HMCN2: variants seen among roughly 807,000 people sequenced by gnomAD.
The protein encoded by HMCN2 is hemicentin-2.
Under a neutral mutation model 377.5 loss-of-function variants are expected in HMCN2, and 325 were observed. The observed-to-expected ratio is 0.86, with a 90% CI of 0.79 to 0.94. The LOEUF (loss-of-function observed/expected upper bound fraction) is 0.94, where lower values mean the gene tolerates loss of function less well. Ranked by LOEUF, HMCN2 falls within the 40% of genes least tolerant of loss-of-function variation. The pLI, the probability that HMCN2 is intolerant of heterozygous loss-of-function variation, is 0.00. For synonymous variants in HMCN2, 2,007 were observed against 2,046.8 expected (o/e 0.98, Z 0.53); for missense variants, 4,543 against 4,725.3 (o/e 0.96, Z 1.13).
chr9:130,278,156 GCT>G (rs1465393150), intron 1 of HMCN2, among the ~76,000 whole-genome samples: 2 of 151,934 alleles, frequency 1.3e-5, no homozygotes, highest in African/African-American at 2.4e-5. Flanking sequence ...ACGCAGTCTC[GCT>G]CTGTCACCCA....
intron 80 of HMCN2, 136 bp from the exon 81 acceptor site, chr9:130,404,733 C>G (rs1187055869): frequency 1.4e-5 from 7 of 487,002 alleles, no homozygotes; most frequent in African/African-American, 1.0e-4. Context: ...CGGGCAATGG[C>G]CTATGACTAG....
intron 85 of HMCN2, among the ~76,000 whole-genome samples, chr9:130,418,031 T>G (rs915905934): frequency 4.6e-5 from 7 of 152,184 alleles, no homozygotes; most frequent in African/African-American, 1.7e-4. Flanking sequence ...AGGGAGTGAC[T>G]TGGTGAGAGC....
At chr9:130,326,303 C>G (rs898383458) in intron 21 of HMCN2, among the ~76,000 whole-genome samples, 1 of 152,150 alleles carries the variant, frequency 6.6e-6, no homozygotes, top group Non-Finnish European at 1.5e-5. Flanking sequence ...CCTGTTCCCC[C>G]AGGCTGGTCA....
rs969610863 is a variant in HMCN2 at position 130,360,628 on chromosome 9, G to T, written c.5950+24G>T. 63 of 1,256,852 alleles carry T rather than the reference G, an allele frequency of 5.0e-5. No homozygotes were observed. The highest frequency in any genetic ancestry group is 2.3e-4 in the East Asian group (4 of 17,142). The allele number at this position is 1,256,852 out of a possible 1,614,324, so 77.9% of individuals were successfully genotyped here. On this transcript the variant is annotated intron_variant, in intron 38 of 97. Coordinates refer to ENST00000683500, the MANE Select transcript of HMCN2 (RefSeq NM_001291815.2). This position sits in a 1 kb window ranked among gnomAD's most constrained non-coding sequence, Gnocchi z 4.7. The stretch of plus-strand genomic sequence containing the variant: ...TGGTGAGCTTCCCTGGGCCTACAAG[G>T]TCCCTTGTCCAAAAAGTTGTCTTTT...
intron 23 of HMCN2, among the ~76,000 whole-genome samples, chr9:130,340,401 C>A (rs1023054477): frequency 6.6e-6 from 1 of 152,238 alleles, no homozygotes; most frequent in Non-Finnish European, 1.5e-5. Context: ...GGAGCTGAAC[C>A]AGGATTGGAG....
chr9:130,394,452 GCTC>G lies in HMCN2; in HGVS notation c.10573_10575del (p.Leu3525del), dbSNP rs756728594. The stretch of plus-strand genomic sequence containing the variant: ...CGCTGACCCCCGGCGCCCCCATGGA[GCTC>G]CTCTGTGATGCCCAGGGCACCCCCC... On this transcript the variant is annotated inframe_deletion, in exon 69 of 98. Transcript: ENST00000683500. This position sits in a 1 kb window ranked among gnomAD's most constrained non-coding sequence, Gnocchi z 5.1. 2.3e-6 allele frequency: 3 copies of G among 1,289,666 alleles called. No homozygotes were observed. In the African/African-American group the frequency reaches 4.6e-5, roughly 20 times the overall value. The allele number at this position is 1,289,666 out of a possible 1,614,324, so 79.9% of individuals were successfully genotyped here.
chr9:130,383,675 T>C, intron 57 of HMCN2, 75 bp downstream of exon 57: 2 of 636,888 alleles, frequency 3.1e-6, no homozygotes, highest in Non-Finnish European at 2.0e-6. Context: ...GGGCTTCCAG[T>C]ATCCTGGGCT....
chr9:130,339,048 T>G (rs894090237), intron 23 of HMCN2, among the ~76,000 whole-genome samples: 2,810 of 151,652 alleles, frequency 0.019, 31 homozygotes, highest in Middle Eastern at 0.041. Context: ...ATTAACCACT[T>G]GCAATGGTCC....
Position 130,393,635 on chromosome 9 carries a change from C to T in HMCN2, c.10235-107C>T, listed in dbSNP as rs1842445076. ...CACAGAGGAGGGCACCTCACCTGGC[C>T]TTGGGGGACCAGGGCGGCTTCCTGG... On this transcript the variant is annotated intron_variant, in intron 67 of 97. Transcript: ENST00000683500. This position sits in a 1 kb window ranked among gnomAD's most constrained non-coding sequence, Gnocchi z 5.2. The T allele has an allele frequency of 9.2e-7, 1 of 1,082,720 alleles. No individual in the cohort carries two copies. The highest frequency in any genetic ancestry group is 1.2e-6 in the Non-Finnish European group (1 of 851,164). The allele number at this position is 1,082,720 out of a possible 1,614,324, so 67.1% of individuals were successfully genotyped here.
At chr9:130,424,974 G>A (rs1304941689) in intron 88 of HMCN2, 35 bp from the exon 89 acceptor site, 20 of 1,519,268 alleles carry the variant, frequency 1.3e-5, no homozygotes, top group African/African-American at 6.9e-5. Flanking sequence ...AGGACCTCCC[G>A]TGGTGACTCT....
chr9:130,285,476 C>A (rs4837490), intron 3 of HMCN2, among the ~76,000 whole-genome samples, 160 bp downstream of exon 3: 3 of 152,086 alleles, frequency 2.0e-5, no homozygotes, highest in African/African-American at 4.8e-5. Context: ...CCAGAGCCTC[C>A]GAACCAAGTT....
At position 130,349,670 on chromosome 9, in the gene HMCN2, G is replaced by A; in HGVS notation, c.4430+7G>A. 7.7e-7 allele frequency: 1 copy of A among 1,301,004 alleles called. No individual in the cohort carries two copies. The highest frequency in any genetic ancestry group is 1.0e-6 in the Non-Finnish European group (1 of 986,798). 80.6% of individuals were successfully genotyped at this position (1,301,004 alleles called of 1,614,324 possible). On this transcript the variant is annotated splice_region_variant and intron_variant, in intron 29 of 97. Transcript: ENST00000683500. ...AGTGGACCAAGGACAGGCAGTGAGT[G>A]CCCCCCTCCCCGAGGATGGCGTGTG...
chr9:130,326,265 T>G (rs1838130153), intron 21 of HMCN2, among the ~76,000 whole-genome samples: 1 of 152,156 alleles, frequency 6.6e-6, no homozygotes, highest in African/African-American at 2.4e-5. Flanking sequence ...CCCAGCTGAC[T>G]GCTCCCATCT....
rs1438353757 is a variant in HMCN2, at chr9:130,346,730, TC to T, written c.3830-435del. Among the ~76,000 whole-genome samples the T allele has an allele frequency of 7.4e-3, 1,132 of 152,108 alleles. 6 individuals carry two copies. Among genetic ancestry groups the T allele is most frequent in the Non-Finnish European group, 0.01 (711 of 67,990 alleles). On this transcript the variant is annotated intron_variant, in intron 25 of 97. Transcript: ENST00000683500. ...GGGAAAAAAACAAAGAGCCTGGCCC[TC>T]GTCGGGTGGGGGACACGGAAAAGAG...
At chr9:130,343,910 A>G (rs1839197245) in intron 25 of HMCN2, among the ~76,000 whole-genome samples, 1 of 152,144 alleles carries the variant, frequency 6.6e-6, no homozygotes, top group South Asian at 2.1e-4. Context: ...CAGTGACACC[A>G]TCTGCCTCTT....
At chr9:130,367,127 C>T (rs2131585239) in intron 43 of HMCN2, among the ~76,000 whole-genome samples, 1 of 152,076 alleles carries the variant, frequency 6.6e-6, no homozygotes, top group Middle Eastern at 3.4e-3. Context: ...TGAGAGGAGG[C>T]AGGGAATCAG....
Position 130,395,908 on chromosome 9 carries a change from T to A in HMCN2, c.10912-16T>A, listed in dbSNP as rs1453637012. ...GGCACTGATAAGGGTCTGTCCACCC[T>A]GGCGGGGCTCTCCAGGAGGACGCCC... On this transcript the variant is annotated splice_polypyrimidine_tract_variant and intron_variant, in intron 71 of 97. Transcript: ENST00000683500. The A allele has an allele frequency of 1.6e-6, 2 of 1,284,342 alleles. No individual in the cohort carries two copies. Among genetic ancestry groups the A allele is most frequent in the Admixed American group, 4.6e-5 (2 of 43,362 alleles). 79.6% of individuals were successfully genotyped at this position (1,284,342 alleles called of 1,614,324 possible).
intron 1 of HMCN2, among the ~76,000 whole-genome samples, chr9:130,269,266 C>CTTTT (rs56326154): frequency 6.0e-5 from 7 of 116,558 alleles, no homozygotes; most frequent in South Asian, 2.9e-4. Context: ...GCCCTGGTTC[C>CTTTT]TTTTTTTTTT....
intron 80 of HMCN2, among the ~76,000 whole-genome samples, 192 bp from the exon 81 acceptor site, chr9:130,404,677 G>A (rs1035664023): frequency 9.8e-5 from 15 of 152,370 alleles, no homozygotes; most frequent in African/African-American, 3.1e-4. Context: ...TGGAATCACC[G>A]TCACAGCTAC....
Sources: allele counts gnomAD v4.1 joint callset (sites outside exome capture counted in the v4.1 genomes callset), GRCh38; gene constraint gnomAD v4.1.1; non-coding constraint Gnocchi (gnomAD v3.1); transcripts MANE v1.5; gene names NCBI Gene and HGNC (gene_info 2026-07-23, HGNC 2026-07-21).